The following AMPH variants were observed in gnomAD, a reference collection of about 807,000 sequenced individuals.
AMPH encodes the protein amphiphysin (Stiff-Mann syndrome with breast cancer 128kD autoantigen).
AMPH carries 49 observed loss-of-function variants against 99.1 expected under a neutral mutation model. The observed-to-expected ratio is 0.49, with a 90% CI of 0.39 to 0.63. The LOEUF is 0.63. AMPH is among the 20% of genes least tolerant of loss of function. AMPH has a pLI of 0.00. For synonymous variants in AMPH, 314 were observed against 317.3 expected (o/e 0.99, Z 0.11); for missense variants, 759 against 863.4 (o/e 0.88, Z 1.52).
At chr7:38,455,185 C>A (rs1787183684) in intron 11 of AMPH, among the ~76,000 whole-genome samples, 1 of 152,082 alleles carries the variant, frequency 6.6e-6, no homozygotes, top group African/African-American at 2.4e-5. Context: ...CTCCTCCTGC[C>A]TCAGCCTTCC....
intron 5 of AMPH, among the ~76,000 whole-genome samples, chr7:38,477,450 C>T (rs945482192): frequency 2.0e-5 from 3 of 152,134 alleles, no homozygotes; most frequent in Non-Finnish European, 4.4e-5. Flanking sequence ...ATTCTCAATA[C>T]TTTGTTCATT....
At chr7:38,472,100 C>G (rs893261189) in intron 7 of AMPH, among the ~76,000 whole-genome samples, 2 of 152,074 alleles carry the variant, frequency 1.3e-5, no homozygotes, top group African/African-American at 4.8e-5. Context: ...ATATAGTCAA[C>G]CTGAACCTCA....
intron 1 of AMPH, among the ~76,000 whole-genome samples, chr7:38,576,920 G>A (rs1048577462): frequency 3.3e-5 from 5 of 152,094 alleles, no homozygotes; most frequent in African/African-American, 1.2e-4. Flanking sequence ...TATCTACCTG[G>A]CCGGGCTGTT....
At position 38,457,587 on chromosome 7, in the gene AMPH, C is replaced by T. The variant is rs535657030; in HGVS notation, c.1017+3696G>A. ...AATGCAATGAAATATTTGAATTATTCGTGTCCTTGAGGGCCAAGAGAGAAC... is the reference window on the plus strand; with the variant it reads ...AATGCAATGAAATATTTGAATTATTTGTGTCCTTGAGGGCCAAGAGAGAAC... On this transcript the variant is annotated intron_variant, in intron 11 of 20. Coordinates refer to ENST00000356264, the MANE Select transcript of AMPH (RefSeq NM_001635.4). 9.5e-4 allele frequency among the ~76,000 whole-genome samples: 145 copies of T among 152,268 alleles called. 2 individuals carry two copies. The highest frequency in any genetic ancestry group is 1.6e-3 in the Non-Finnish European group (110 of 68,016).
intron 2 of AMPH, among the ~76,000 whole-genome samples, chr7:38,515,123 G>A (rs1789690682): frequency 6.6e-6 from 1 of 152,186 alleles, no homozygotes; most frequent in Non-Finnish European, 1.5e-5. Flanking sequence ...CAAAAAAGAG[G>A]AACAAGGCAT....
intron 2 of AMPH, among the ~76,000 whole-genome samples, chr7:38,521,803 T>C (rs1789975011): frequency 6.6e-6 from 1 of 152,216 alleles, no homozygotes; most frequent in African/African-American, 2.4e-5. Context: ...ACATTCTTTA[T>C]TATCCAGTTT....
At chr7:38,459,822 TATA>T (rs773533921) in intron 11 of AMPH, among the ~76,000 whole-genome samples, 16 of 151,764 alleles carry the variant, frequency 1.1e-4, no homozygotes, top group Non-Finnish European at 1.8e-4. Flanking sequence ...CACAGATAAC[TATA>T]ATAATAATAG....
intron 17 of AMPH, among the ~76,000 whole-genome samples, chr7:38,405,765 A>G (rs1365251949): frequency 2.0e-5 from 3 of 152,208 alleles, no homozygotes; most frequent in Admixed American, 2.0e-4. Flanking sequence ...CATCACTACA[A>G]TAATAATGGA....
intron 9 of AMPH, 25 bp from the exon 10 acceptor site, chr7:38,463,138 A>G (rs779228442): frequency 6.2e-7 from 1 of 1,613,940 alleles, no homozygotes; most frequent in South Asian, 1.1e-5. Flanking sequence ...GGGATTGGGC[A>G]AGGGGCCTTC....
chr7:38,412,468 C>T (rs917461372), intron 17 of AMPH, among the ~76,000 whole-genome samples: 21 of 152,324 alleles, frequency 1.4e-4, no homozygotes, highest in Admixed American at 1.4e-3. Context: ...AGGGAAGATG[C>T]CGCTACTAGC....
At chr7:38,484,084 A>G (rs1234160669) in intron 5 of AMPH, among the ~76,000 whole-genome samples, 1 of 152,120 alleles carries the variant, frequency 6.6e-6, no homozygotes, top group African/African-American at 2.4e-5. Flanking sequence ...AAAAAGAAAA[A>G]CAAATGCAAA....
chr7:38,495,015 T>C (rs1236030838), intron 3 of AMPH, among the ~76,000 whole-genome samples: 3 of 152,208 alleles, frequency 2.0e-5, no homozygotes, highest in Non-Finnish European at 2.9e-5. Flanking sequence ...CCTAAAATGG[T>C]AAACACGGTT....
At position 38,534,985 on chromosome 7, in the gene AMPH, A is replaced by G. The variant is rs1584217112; in HGVS notation, c.96T>C (p.Asp32=). 2 of 1,614,116 alleles carry G rather than the reference A, an allele frequency of 1.2e-6. No individual in the cohort carries two copies. Among genetic ancestry groups the G allele is most frequent in the East Asian group, 2.2e-5 (1 of 44,868 alleles). The change falls in exon 2 of 21, where the codon GAT becomes GAC. Residue 32 remains aspartate, a synonymous_variant. Transcript: ENST00000356264. ...EKVLQKLGKA[D]ETKDEQFEEY... is the part of the protein sequence containing the mutation. ...CTTCGAACTGTTCGTCTTTTGTCTC[A>G]TCAGCTTTCCCCAGCTTTTGGAGGA...
At chr7:38,494,020 G>A (rs572340612) in intron 4 of AMPH, among the ~76,000 whole-genome samples, 6 of 152,186 alleles carry the variant, frequency 3.9e-5, no homozygotes, top group Non-Finnish European at 8.8e-5. Context: ...ACAGTGGTGC[G>A]ATCTTGGCTC....
At chr7:38,601,661 G>T (rs1374214229) in intron 1 of AMPH, among the ~76,000 whole-genome samples, 1 of 152,118 alleles carries the variant, frequency 6.6e-6, no homozygotes, top group Admixed American at 6.6e-5. Context: ...TTTTTCAGAG[G>T]TAAGGTAATG....
chr7:38,482,323 A>G (rs1364946242), intron 5 of AMPH, among the ~76,000 whole-genome samples: 1 of 152,118 alleles, frequency 6.6e-6, no homozygotes, highest in Non-Finnish European at 1.5e-5. Context: ...AAAGATCTAG[A>G]TGATATTGTT....
At chr7:38,404,025 T>C (rs1237037408) in intron 17 of AMPH, among the ~76,000 whole-genome samples, 3 of 152,152 alleles carry the variant, frequency 2.0e-5, no homozygotes, top group Non-Finnish European at 2.9e-5. Flanking sequence ...CTGCTCTGGA[T>C]TGGGGGAAGA....
At chr7:38,436,489 G>C (rs1260429825) in intron 11 of AMPH, 101 bp from the exon 12 acceptor site, 19 of 870,200 alleles carry the variant, frequency 2.2e-5, no homozygotes, top group Non-Finnish European at 3.3e-5. Flanking sequence ...TTATTATTGA[G>C]TATCTCCAAA....
intron 5 of AMPH, among the ~76,000 whole-genome samples, chr7:38,488,284 T>C (rs1397638259): frequency 6.6e-6 from 1 of 152,060 alleles, no homozygotes; most frequent in Non-Finnish European, 1.5e-5. Context: ...CAAATGCCCA[T>C]CAATGATAGA....
Sources: allele counts gnomAD v4.1 joint callset (sites outside exome capture counted in the v4.1 genomes callset), GRCh38; gene constraint gnomAD v4.1.1; transcripts MANE v1.5; gene names NCBI Gene and HGNC (gene_info 2026-07-23, HGNC 2026-07-21).